ZMIZ1: variants seen among roughly 807,000 people sequenced by gnomAD.
ZMIZ1 encodes the protein zinc finger MIZ-type containing 1.
ZMIZ1 carries 17 observed loss-of-function variants against 113.9 expected under a neutral mutation model. That is an observed-to-expected ratio of 0.15 (90% CI 0.10 to 0.22). The LOEUF (loss-of-function observed/expected upper bound fraction) is 0.22, where lower values mean the gene tolerates loss of function less well. Ranked by LOEUF, ZMIZ1 falls within the 10% of genes least tolerant of loss-of-function variation. ZMIZ1 has a pLI of 1.00. For synonymous variants in ZMIZ1, 607 were observed against 603.1 expected, an observed-to-expected ratio of 1.01 and a Z score of -0.09; for missense variants, 1,059 against 1,477.8, an observed-to-expected ratio of 0.72 and a Z score of 4.65.
intron 2 of ZMIZ1, among the ~76,000 whole-genome samples, chr10:79,130,884 A>C (rs1318226979): frequency 2.0e-5 from 3 of 152,170 alleles, no homozygotes; most frequent in African/African-American, 7.2e-5. Context: ...CTATGAAATG[A>C]GCACCGTCTT....
At chr10:79,082,139 C>T (rs1842680572) in intron 1 of ZMIZ1, among the ~76,000 whole-genome samples, 1 of 152,238 alleles carries the variant, frequency 6.6e-6, no homozygotes. Context: ...GCCTGGGACT[C>T]ACCTTCCTCA....
At chr10:79,288,377 G>A (rs1260947699) in intron 8 of ZMIZ1, among the ~76,000 whole-genome samples, 1 of 152,210 alleles carries the variant, frequency 6.6e-6, no homozygotes, top group Non-Finnish European at 1.5e-5. Context: ...TGGCCACTCA[G>A]CTAGGGTACA....
At chr10:79,288,909 C>T (rs570055933) in intron 8 of ZMIZ1, among the ~76,000 whole-genome samples, 1 of 152,156 alleles carries the variant, frequency 6.6e-6, no homozygotes, top group Non-Finnish European at 1.5e-5. Context: ...GTGGTGGGTA[C>T]TGCTGGACCT....
intron 5 of ZMIZ1, among the ~76,000 whole-genome samples, chr10:79,204,322 G>A (rs1205792532): frequency 6.6e-6 from 1 of 152,104 alleles, no homozygotes; most frequent in Non-Finnish European, 1.5e-5. Context: ...AGCTGCCTTT[G>A]CCCCTTCTCA....
intron 7 of ZMIZ1, among the ~76,000 whole-genome samples, chr10:79,239,307 T>C (rs1048028800): frequency 1.3e-5 from 2 of 150,896 alleles, no homozygotes; most frequent in African/African-American, 5.0e-5. Context: ...TGTGCATCCA[T>C]TTGTTGAATG....
At chr10:79,205,042 T>C (rs1309458880) in intron 5 of ZMIZ1, among the ~76,000 whole-genome samples, 3 of 152,200 alleles carry the variant, frequency 2.0e-5, no homozygotes, top group Non-Finnish European at 4.4e-5. Flanking sequence ...GATTCACAGA[T>C]GGACTGGTGG....
intron 13 of ZMIZ1, 101 bp from the exon 14 acceptor site, chr10:79,297,512 A>C (rs1390952636): frequency 2.0e-6 from 2 of 983,278 alleles, no homozygotes; most frequent in Admixed American, 3.6e-5. Flanking sequence ...GGGCCCCTGT[A>C]GCATCCCCGT....
chr10:79,114,456 GGTGTGTATGT>G (rs1167388353), intron 1 of ZMIZ1, among the ~76,000 whole-genome samples: 1 of 141,398 alleles, frequency 7.1e-6, no homozygotes, highest in Non-Finnish European at 1.5e-5. Context: ...TCTTGGCCTG[GGTGTGTATGT>G]GTGTGTGTGT....
At chr10:79,251,517 C>T (rs1028384817) in intron 7 of ZMIZ1, among the ~76,000 whole-genome samples, 1 of 152,144 alleles carries the variant, frequency 6.6e-6, no homozygotes, top group African/African-American at 2.4e-5. Context: ...CCAGACACTC[C>T]CCCAACCCCT....
intron 7 of ZMIZ1, among the ~76,000 whole-genome samples, chr10:79,264,846 AG>A (rs989483698): frequency 6.6e-6 from 1 of 152,184 alleles, no homozygotes; most frequent in African/African-American, 2.4e-5. Flanking sequence ...CCAAAAAGAA[AG>A]GGGGGCATTC....
intron 17 of ZMIZ1, among the ~76,000 whole-genome samples, chr10:79,301,475 C>T (rs945243686): frequency 6.6e-6 from 1 of 152,114 alleles, no homozygotes; most frequent in African/African-American, 2.4e-5. Flanking sequence ...CCTCATGTCC[C>T]CTGAAGATCA....
At chr10:79,108,960 C>T (rs1843646708) in intron 1 of ZMIZ1, among the ~76,000 whole-genome samples, 1 of 152,114 alleles carries the variant, frequency 6.6e-6, no homozygotes, top group South Asian at 2.1e-4. Flanking sequence ...CCCACGTGCT[C>T]TGTGTGCACC....
At chr10:79,181,458 C>A (rs1339879239) in intron 4 of ZMIZ1, among the ~76,000 whole-genome samples, 1 of 152,218 alleles carries the variant, frequency 6.6e-6, no homozygotes, top group African/African-American at 2.4e-5. Flanking sequence ...AACCCCAGCA[C>A]CTCCTTGGGG....
intron 5 of ZMIZ1, among the ~76,000 whole-genome samples, chr10:79,206,722 G>T (rs888001865): frequency 2.6e-5 from 4 of 152,234 alleles, no homozygotes; most frequent in Non-Finnish European, 4.4e-5. Context: ...AGCCCCACAT[G>T]GGAGCACCCC....
intron 1 of ZMIZ1, among the ~76,000 whole-genome samples, chr10:79,098,375 G>A (rs1262183221): frequency 2.0e-5 from 3 of 152,152 alleles, no homozygotes; most frequent in African/African-American, 4.8e-5. Flanking sequence ...GGCAGGCTCC[G>A]AATCCTAGCT....
intron 1 of ZMIZ1, among the ~76,000 whole-genome samples, chr10:79,089,931 C>T (rs1320144439): frequency 6.6e-6 from 1 of 152,216 alleles, no homozygotes; most frequent in African/African-American, 2.4e-5. Flanking sequence ...TTCTGTGGCT[C>T]TCCTTTCAAG....
At chr10:79,261,036 A>G (rs953168567) in intron 7 of ZMIZ1, among the ~76,000 whole-genome samples, 2 of 152,136 alleles carry the variant, frequency 1.3e-5, no homozygotes, top group Admixed American at 6.5e-5. Context: ...CAGGGCAGAG[A>G]GAGACTGTAT....
chr10:79,131,163 G>A (rs888404423), intron 2 of ZMIZ1, among the ~76,000 whole-genome samples: 2 of 152,296 alleles, frequency 1.3e-5, no homozygotes, highest in South Asian at 2.1e-4. Flanking sequence ...ATAAGAATTT[G>A]TTGGGTTGAA....
chr10:79,297,681 T>C lies in ZMIZ1; in HGVS notation c.1482T>C (p.Asn494=). Residue 494 remains asparagine (N), a synonymous_variant, in exon 14 of 25, where the codon AAT becomes AAC. Coordinates refer to ENST00000334512, the MANE Select transcript of ZMIZ1 (RefSeq NM_020338.4). The part of the protein sequence containing the change: ...GSSYSNYSQG[N]VNRPPRPVPV... ...GCTACAGTAACTACAGCCAAGGGAA[T>C]GTCAACAGGGTATGTTCCAATTTAA... 1 of 1,613,940 alleles carries C rather than the reference T, an allele frequency of 6.2e-7. No homozygotes were observed. Among genetic ancestry groups the C allele is most frequent in the African/African-American group, 1.3e-5 (1 of 75,038 alleles).
Sources: allele counts gnomAD v4.1 joint callset (sites outside exome capture counted in the v4.1 genomes callset), GRCh38; gene constraint gnomAD v4.1.1; transcripts MANE v1.5; gene names NCBI Gene and HGNC (gene_info 2026-07-23, HGNC 2026-07-21).